The following GPR158 variants were observed in gnomAD, a reference collection of about 807,000 sequenced individuals.
The protein encoded by GPR158 is metabotropic glycine receptor.
GPR158 carries 30 observed loss-of-function variants against 78.2 expected under a neutral mutation model. The observed-to-expected ratio is 0.38, with a 90% CI of 0.29 to 0.52. GPR158 has a LOEUF of 0.52. GPR158 is among the 20% of genes least tolerant of loss of function. The pLI, the probability that GPR158 is intolerant of heterozygous loss-of-function variation, is 0.83. For missense variants in GPR158, 1,463 were observed against 1,523.5 expected (o/e 0.96, Z 0.66); for synonymous variants, 581 against 591.1 (o/e 0.98, Z 0.25).
intron 2 of GPR158, among the ~76,000 whole-genome samples, chr10:25,235,516 T>C (rs1853508519): frequency 6.6e-6 from 1 of 151,920 alleles, no homozygotes; most frequent in South Asian, 2.1e-4. Context: ...TTCAGTTTTC[T>C]TCCTCTTCAG....
At chr10:25,357,936 A>C (rs1564431718) in intron 2 of GPR158, among the ~76,000 whole-genome samples, 1 of 152,088 alleles carries the variant, frequency 6.6e-6, no homozygotes, top group South Asian at 2.1e-4. Context: ...AGCAGCTGGG[A>C]GGGAGGCTAT....
rs190466432 is a variant in GPR158 at position 25,283,324 on chromosome 10, G to A, written c.1008+62167G>A. 2.8e-3 allele frequency among the ~76,000 whole-genome samples: 421 copies of A among 152,010 alleles called. 3 individuals carry two copies. Among genetic ancestry groups the A allele is most frequent in the African/African-American group, 9.7e-3 (403 of 41,522 alleles). On this transcript the variant is annotated intron_variant, in intron 2 of 10. Transcript: ENST00000376351. Reference sequence around the variant, plus strand: ...TTTTCTTATTCTTTTAATGTTTGTAGGGTTTTTAGTAATTTTCTCTCTTTA... The same window carrying A: ...TTTTCTTATTCTTTTAATGTTTGTAAGGTTTTTAGTAATTTTCTCTCTTTA...
intron 2 of GPR158, among the ~76,000 whole-genome samples, chr10:25,237,926 C>T (rs765696315): frequency 2.0e-5 from 3 of 151,838 alleles, no homozygotes; most frequent in Non-Finnish European, 2.9e-5. Context: ...CCACCTCCCT[C>T]TTTCCCTCCC....
intron 2 of GPR158, among the ~76,000 whole-genome samples, chr10:25,362,890 T>G (rs1257572707): frequency 6.6e-6 from 1 of 151,928 alleles, no homozygotes; most frequent in African/African-American, 2.4e-5. Flanking sequence ...TATATATTTT[T>G]TAATATTAAT....
At position 25,176,462 on chromosome 10, in the gene GPR158, G is replaced by T. The variant is rs1852535104; in HGVS notation, c.902+140G>T. The T allele has an allele frequency of 1.7e-5, 12 of 725,958 alleles. No homozygotes were observed. The highest frequency in any genetic ancestry group is 2.1e-6 in the Non-Finnish European group (1 of 465,482). The allele number at this position is 725,958 out of a possible 1,614,324, so 45.0% of individuals were successfully genotyped here. A position where few individuals can be genotyped will look rare whatever the true frequency, so the allele number is the denominator to read the frequency against. On this transcript the variant is annotated intron_variant, in intron 1 of 10. Transcript: ENST00000376351. The surrounding 1 kb of genome is among the most constrained non-coding windows in gnomAD (Gnocchi z 6.3). ...CCTCAGAGTAGAGACCCGGGCTGAG[G>T]GACACCCCACGCGGGCGCGGGTGCT...
chr10:25,204,213 A>T (rs1414740958), intron 1 of GPR158, among the ~76,000 whole-genome samples: 2 of 152,248 alleles, frequency 1.3e-5, no homozygotes, highest in East Asian at 3.9e-4. Flanking sequence ...AGACAATTTG[A>T]CTTCTGCTTT....
chr10:25,446,176 T>C (rs939841723), intron 4 of GPR158, among the ~76,000 whole-genome samples: 3 of 152,160 alleles, frequency 2.0e-5, no homozygotes, highest in African/African-American at 7.2e-5. Flanking sequence ...ATTTTAAGAT[T>C]CAGAAAGAGA....
chr10:25,589,446 A>G (rs1837312898), intron 8 of GPR158, among the ~76,000 whole-genome samples: 1 of 152,242 alleles, frequency 6.6e-6, no homozygotes, highest in Admixed American at 6.5e-5. Flanking sequence ...ATGTAGCTTC[A>G]TTATGAAGAT....
chr10:25,578,723 G>A (rs1174613718), intron 7 of GPR158, among the ~76,000 whole-genome samples: 2 of 151,942 alleles, frequency 1.3e-5, no homozygotes, highest in Non-Finnish European at 2.9e-5. Context: ...GAATAAAGGG[G>A]TTGGCCTGGC....
intron 3 of GPR158, among the ~76,000 whole-genome samples, chr10:25,405,798 CACAGG>C (rs1337695375): frequency 1.3e-5 from 2 of 151,894 alleles, no homozygotes; most frequent in African/African-American, 4.8e-5. Context: ...CAAAAATGAC[CACAGG>C]CAAGAATAAA....
chr10:25,588,840 T>C (rs1837303531), intron 7 of GPR158, among the ~76,000 whole-genome samples, 167 bp from the exon 8 acceptor site: 1 of 152,194 alleles, frequency 6.6e-6, no homozygotes. Context: ...TTCCATAAAC[T>C]GAATGAAATT....
intron 5 of GPR158, among the ~76,000 whole-genome samples, chr10:25,521,496 T>G (rs566844945): frequency 1.3e-5 from 2 of 152,228 alleles, no homozygotes; most frequent in Non-Finnish European, 2.9e-5. Flanking sequence ...CTTGATTAGC[T>G]TAATAGTTGA....
Position 25,313,959 on chromosome 10 carries a change from C to T in GPR158, c.1009-81952C>T, listed in dbSNP as rs1040150589. 7.2e-5 allele frequency among the ~76,000 whole-genome samples: 11 copies of T among 152,110 alleles called. No homozygotes were observed. The East Asian group carries it at 2.1e-3, about 29-fold the overall frequency. On this transcript the variant is annotated intron_variant, in intron 2 of 10. Coordinates refer to ENST00000376351, the MANE Select transcript of GPR158 (RefSeq NM_020752.3). ...AATTATCCGATGAAACCATCAGGGC[C>T]TGGCACTTTTTGGTTTGGCAATTTC... is the stretch of plus-strand genomic sequence containing the variant.
chr10:25,359,903 C>G (rs546739113), intron 2 of GPR158, among the ~76,000 whole-genome samples: 2 of 152,160 alleles, frequency 1.3e-5, no homozygotes. Context: ...TCCTATTTCT[C>G]CACATCCTTT....
intron 2 of GPR158, among the ~76,000 whole-genome samples, chr10:25,307,823 A>G (rs1274449225): frequency 6.6e-6 from 1 of 152,140 alleles, no homozygotes; most frequent in Non-Finnish European, 1.5e-5. Context: ...TTGGCTTTTT[A>G]AAATATTTTA....
chr10:25,273,034 T>C (rs980933105), intron 2 of GPR158, among the ~76,000 whole-genome samples: 1 of 152,200 alleles, frequency 6.6e-6, no homozygotes, highest in African/African-American at 2.4e-5. Context: ...AATTAGTTCG[T>C]GGCACCTGGG....
At chr10:25,416,761 TAA>T (rs1301017312) in intron 4 of GPR158, among the ~76,000 whole-genome samples, 2 of 152,176 alleles carry the variant, frequency 1.3e-5, no homozygotes, top group African/African-American at 4.8e-5. Context: ...CCTGAGAGAT[TAA>T]GTTTCCAAAG....
intron 1 of GPR158, among the ~76,000 whole-genome samples, chr10:25,211,664 C>T (rs1433949489): frequency 6.6e-6 from 1 of 151,918 alleles, no homozygotes; most frequent in East Asian, 1.9e-4. Flanking sequence ...ACATTTAAGC[C>T]ATAGCATTTA....
intron 2 of GPR158, among the ~76,000 whole-genome samples, chr10:25,255,559 C>A (rs2038060026): frequency 6.6e-6 from 1 of 152,146 alleles, no homozygotes; most frequent in Non-Finnish European, 1.5e-5. Flanking sequence ...AGAATTAACT[C>A]CCTTGTGGTT....
Sources: gnomAD v4.1 joint callset for allele counts (sites outside exome capture counted in the v4.1 genomes callset) on GRCh38, gnomAD v4.1.1 for gene constraint, Gnocchi (gnomAD v3.1) non-coding constraint, MANE v1.5 for transcripts, NCBI Gene and HGNC (gene_info 2026-07-23, HGNC 2026-07-21) for gene names.